GSK3B: variants seen among roughly 807,000 people sequenced by gnomAD.
GSK3B encodes glycogen synthase kinase-3 beta.
In GSK3B, 15 loss-of-function variants were observed where a neutral mutation model predicts 56.4. That is an observed-to-expected ratio of 0.27 (90% confidence interval 0.18 to 0.41). GSK3B has a LOEUF of 0.41. Ranked by LOEUF, GSK3B falls within the 10% of genes least tolerant of loss-of-function variation. GSK3B has a pLI of 1.00. For synonymous variants in GSK3B, 181 were observed against 188.9 expected (o/e 0.96, Z 0.34); for missense variants, 300 against 513.4 (o/e 0.58, Z 4.02).
Position 119,874,308 on chromosome 3 carries a change from CTATACATACAGTGATAAAAG to C in GSK3B, c.909+2085_909+2104del, listed in dbSNP as rs2056282310. ...TAAACCCTACATATACTGTTTTTCT[CTATACATACAGTGATAAAAG>C]CTTACTTCATAAATTAGGCACAGTA... is the stretch of plus-strand genomic sequence containing the variant. On this transcript the variant is annotated intron_variant, in intron 8 of 10. Coordinates refer to ENST00000264235, the MANE Select transcript of GSK3B (RefSeq NM_001146156.2). Among the ~76,000 whole-genome samples, 3 of 152,102 alleles carry C rather than the reference CTATACATACAGTGATAAAAG, an allele frequency of 2.0e-5. No individual in the cohort carries two copies. The South Asian group carries it at 6.2e-4, about 32-fold the overall frequency.
chr3:119,926,328 C>CCA (rs146771538), intron 3 of GSK3B, among the ~76,000 whole-genome samples: 10,397 of 146,766 alleles, frequency 0.071, 401 homozygotes, highest in African/African-American at 0.12. Flanking sequence ...TCTTACACTT[C>CCA]CACACACACA....
At chr3:119,955,630 G>C (rs181144417) in intron 2 of GSK3B, among the ~76,000 whole-genome samples, 121 of 147,790 alleles carry the variant, frequency 8.2e-4, no homozygotes, top group Middle Eastern at 3.5e-3. Context: ...ACCACTGATT[G>C]GTTTTTTTTG....
intron 2 of GSK3B, among the ~76,000 whole-genome samples, chr3:119,997,458 A>G (rs1200123730): frequency 1.3e-5 from 2 of 152,232 alleles, no homozygotes; most frequent in Non-Finnish European, 2.9e-5. Context: ...TAAAACGTAC[A>G]TAACTATAAA....
intron 7 of GSK3B, among the ~76,000 whole-genome samples, chr3:119,885,642 A>T (rs1376131004): frequency 6.6e-6 from 1 of 152,178 alleles, no homozygotes. Context: ...ACATTACCTG[A>T]CGTCAAACTG....
chr3:119,833,817 A>C (rs148095449), intron 10 of GSK3B, among the ~76,000 whole-genome samples: 2 of 150,346 alleles, frequency 1.3e-5, no homozygotes, highest in African/African-American at 4.9e-5. Context: ...TGGCTTCCCG[A>C]GTAGCTGGGA....
intron 2 of GSK3B, among the ~76,000 whole-genome samples, chr3:119,953,603 C>T (rs1369933900): frequency 6.6e-6 from 1 of 152,104 alleles, no homozygotes; most frequent in Non-Finnish European, 1.5e-5. Flanking sequence ...TATAATCTGG[C>T]CTCTCCTTTT....
chr3:120,028,904 C>A, intron 1 of GSK3B: 1 of 522,006 alleles, frequency 1.9e-6, no homozygotes, highest in Non-Finnish European at 3.6e-6. Flanking sequence ...AGAAAAGCAC[C>A]CAGGAAGGCT....
chr3:120,081,323 C>T (rs116103058), intron 1 of GSK3B, among the ~76,000 whole-genome samples: 8,530 of 151,082 alleles, frequency 0.056, 318 homozygotes, highest in Non-Finnish European at 0.083. Context: ...GGGAGGCGGG[C>T]GGATCACAAG....
chr3:119,948,712 G>GT (rs1209926589), intron 2 of GSK3B, among the ~76,000 whole-genome samples: 1 of 152,016 alleles, frequency 6.6e-6, no homozygotes, highest in African/African-American at 2.4e-5. Flanking sequence ...TTGTTTGTTT[G>GT]TTTGAGACAG....
intron 1 of GSK3B, among the ~76,000 whole-genome samples, chr3:120,039,626 A>T (rs560035075): frequency 1.3e-5 from 2 of 152,316 alleles, no homozygotes; most frequent in South Asian, 4.1e-4. Context: ...CCATCACTGT[A>T]ACTCACCTTC....
chr3:120,038,068 G>A (rs572741365), intron 1 of GSK3B, among the ~76,000 whole-genome samples: 1 of 152,098 alleles, frequency 6.6e-6, no homozygotes, highest in African/African-American at 2.4e-5. Flanking sequence ...TACATACAAG[G>A]AAACTGAGGC....
chr3:119,848,688 T>C (rs1454082589), intron 9 of GSK3B, among the ~76,000 whole-genome samples: 3 of 152,172 alleles, frequency 2.0e-5, no homozygotes, highest in Admixed American at 2.0e-4. Flanking sequence ...GCCAATAATA[T>C]TTATTCAAAT....
At chr3:119,869,223 C>CAAAAAAAAAAAAAAAAAAAAAAAAAA (rs67194724) in intron 8 of GSK3B, among the ~76,000 whole-genome samples, 1 of 54,838 alleles carries the variant, frequency 1.8e-5, no homozygotes, top group Non-Finnish European at 3.0e-5. Context: ...GATTCCATCT[C>CAAAAAAAAAAAAAAAAAAAAAAAAAA]AAAAAAAAAA....
rs1381795475 is a variant in GSK3B, at chr3:119,922,257, G to GGAAA, written c.477+1115_477+1116insTTTC. Among the ~76,000 whole-genome samples the GGAAA allele has an allele frequency of 1.1e-4, 16 of 140,684 alleles. No homozygotes were observed. The East Asian group carries it at 2.7e-3, about 23-fold the overall frequency. 92.3% of individuals were successfully genotyped at this position (140,684 alleles called of 152,430 possible). Reference sequence around the variant, plus strand: ...AGGAAGGAAGGAAGGAAGGAAGGAAGGAAGGAAGGAAGGAAGGAAGGGAGG... The same window carrying GGAAA: ...AGGAAGGAAGGAAGGAAGGAAGGAAGGAAAGAAGGAAGGAAGGAAGGAAGGGAGG... On this transcript the variant is annotated intron_variant, in intron 4 of 10. Coordinates refer to ENST00000264235, the MANE Select transcript of GSK3B (RefSeq NM_001146156.2).
At chr3:119,989,060 T>C (rs2057540323) in intron 2 of GSK3B, among the ~76,000 whole-genome samples, 1 of 152,186 alleles carries the variant, frequency 6.6e-6, no homozygotes, top group African/African-American at 2.4e-5. Context: ...TAAGTCGGGC[T>C]TTCTTAAAGC....
chr3:119,959,795 A>G (rs1456417537), intron 2 of GSK3B, among the ~76,000 whole-genome samples: 1 of 151,944 alleles, frequency 6.6e-6, no homozygotes, highest in African/African-American at 2.4e-5. Flanking sequence ...ATTATTAGCA[A>G]TAACAATTAT....
At chr3:119,983,032 A>G (rs1411894340) in intron 2 of GSK3B, among the ~76,000 whole-genome samples, 1 of 152,212 alleles carries the variant, frequency 6.6e-6, no homozygotes, top group Non-Finnish European at 1.5e-5. Context: ...TACAAGCCAG[A>G]AGAAAGTGGA....
chr3:119,947,463 T>C, intron 2 of GSK3B, 112 bp from the exon 3 acceptor site: 4 of 694,666 alleles, frequency 5.8e-6, no homozygotes, highest in South Asian at 3.5e-5. Flanking sequence ...GCTATAGATA[T>C]GCTACTAAAA....
At position 119,826,132 on chromosome 3, in the gene GSK3B, A is replaced by G; in HGVS notation, c.*656T>C. The G allele has an allele frequency of 4.3e-6, 1 of 235,176 alleles. No individual in the cohort carries two copies. The highest frequency in any genetic ancestry group is 8.3e-6 in the Non-Finnish European group (1 of 119,968). 14.6% of individuals were successfully genotyped at this position (235,176 alleles called of 1,614,324 possible). ...TAGCACTAACTGAGAGCAAAACAAA[A>G]CCTTAACAAATCTACTAAGAATCTT... On this transcript the variant is annotated 3_prime_UTR_variant, in exon 11 of 11. Transcript: ENST00000264235.
Sources: allele counts gnomAD v4.1 joint callset (sites outside exome capture counted in the v4.1 genomes callset), GRCh38; gene constraint gnomAD v4.1.1; transcripts MANE v1.5; gene names NCBI Gene and HGNC (gene_info 2026-07-23, HGNC 2026-07-21).